Variants in CCDC91 observed in about 807,000 individuals in gnomAD.
The protein encoded by CCDC91 is coiled-coil domain-containing protein 91.
Under a neutral mutation model 63.2 loss-of-function variants are expected in CCDC91, and 48 were observed. That is an observed-to-expected ratio of 0.76 (90% CI 0.60 to 0.97). The LOEUF (loss-of-function observed/expected upper bound fraction) is 0.97. Ranked by LOEUF, CCDC91 falls within the 50% of genes least tolerant of loss-of-function variation. The probability of loss-of-function intolerance (pLI) is 0.00; values close to 1 mark genes in which losing one functional copy is unlikely to be tolerated. For missense variants in CCDC91, 500 were observed against 494.6 expected, an observed-to-expected ratio of 1.01 and a Z score of -0.10; for synonymous variants, 167 against 165.8, an observed-to-expected ratio of 1.01 and a Z score of -0.06.
chr12:28,214,083 A>G (rs1434157600), intron 1 of CCDC91, among the ~76,000 whole-genome samples: 8 of 152,100 alleles, frequency 5.3e-5, no homozygotes, highest in Non-Finnish European at 1.2e-4. Flanking sequence ...GTTCCTGTGA[A>G]CTTATGCTTT....
intron 8 of CCDC91, among the ~76,000 whole-genome samples, chr12:28,397,397 C>G (rs1427391138): frequency 6.6e-6 from 1 of 152,092 alleles, no homozygotes; most frequent in Non-Finnish European, 1.5e-5. Context: ...GTAGAGGGAC[C>G]TATGAAGTGG....
intron 3 of CCDC91, among the ~76,000 whole-genome samples, chr12:28,295,519 T>A (rs534223846): frequency 6.6e-6 from 1 of 152,188 alleles, no homozygotes; most frequent in South Asian, 2.1e-4. Context: ...GTACTTTAGA[T>A]AATAATTTAT....
At chr12:28,441,755 T>C (rs1211201303) in intron 8 of CCDC91, among the ~76,000 whole-genome samples, 1 of 150,546 alleles carries the variant, frequency 6.6e-6, no homozygotes, top group Non-Finnish European at 1.5e-5. Context: ...ATCTCATATA[T>C]ATATGTATAT....
intron 6 of CCDC91, among the ~76,000 whole-genome samples, chr12:28,313,368 A>C (rs1189564416): frequency 1.3e-5 from 2 of 152,040 alleles, no homozygotes; most frequent in Non-Finnish European, 2.9e-5. Context: ...AATATAGAAA[A>C]AGGAAAACAA....
chr12:28,257,914 T>A (rs777844343), intron 2 of CCDC91, among the ~76,000 whole-genome samples: 1 of 150,134 alleles, frequency 6.7e-6, no homozygotes, highest in Non-Finnish European at 1.5e-5. Flanking sequence ...GGAACTACCA[T>A]CAAGGGAATG....
intron 11 of CCDC91, among the ~76,000 whole-genome samples, chr12:28,470,763 A>AT (rs1342184134): frequency 6.6e-6 from 1 of 152,154 alleles, no homozygotes; most frequent in East Asian, 1.9e-4. Flanking sequence ...ATAGAAATGA[A>AT]TTATGTCATC....
rs565727531 is a variant in CCDC91, at chr12:28,390,632, T to G, written c.655-672T>G. On this transcript the variant is annotated intron_variant, in intron 7 of 12. Transcript: ENST00000536442. ...ATCTTTATATTTATCTGACTTGAGT[T>G]CCAGCATTTACAGTATCCAATTAAG... Among the ~76,000 whole-genome samples the G allele has an allele frequency of 1.1e-3, 171 of 152,292 alleles. 2 individuals are homozygous for G. The highest frequency in any genetic ancestry group is 3.5e-3 in the African/African-American group (145 of 41,572).
intron 3 of CCDC91, among the ~76,000 whole-genome samples, chr12:28,274,737 T>G (rs981638055): frequency 6.6e-5 from 10 of 152,140 alleles, no homozygotes; most frequent in African/African-American, 1.4e-4. Context: ...TAAGGAGATT[T>G]TGGGCTGAGA....
At chr12:28,254,907 G>A (rs892660476) in intron 1 of CCDC91, among the ~76,000 whole-genome samples, 1 of 151,878 alleles carries the variant, frequency 6.6e-6, no homozygotes, top group Non-Finnish European at 1.5e-5. Flanking sequence ...AAGTAGCTGG[G>A]ATTACAGTCG....
intron 12 of CCDC91, among the ~76,000 whole-genome samples, chr12:28,528,765 A>G (rs1384033901): frequency 2.6e-5 from 4 of 152,094 alleles, no homozygotes; most frequent in African/African-American, 9.7e-5. Context: ...TTTTAGAGAC[A>G]GTGTCTTGCC....
chr12:28,509,209 A>C (rs75351141), intron 12 of CCDC91, among the ~76,000 whole-genome samples: 9,354 of 151,942 alleles, frequency 0.062, 388 homozygotes, highest in Non-Finnish European at 0.086. Context: ...CCATTATGCA[A>C]ACACAGGTTC....
chr12:28,302,418 C>T (rs2137012710), intron 3 of CCDC91, among the ~76,000 whole-genome samples: 1 of 152,140 alleles, frequency 6.6e-6, no homozygotes, highest in African/African-American at 2.4e-5. Flanking sequence ...CTCATTTAAG[C>T]TGTATAACAT....
At chr12:28,523,960 A>G (rs181357179) in intron 12 of CCDC91, among the ~76,000 whole-genome samples, 47 of 152,052 alleles carry the variant, frequency 3.1e-4, no homozygotes, top group Admixed American at 2.6e-3. Context: ...AACGCCACAA[A>G]GATACTCCTC....
intron 12 of CCDC91, among the ~76,000 whole-genome samples, chr12:28,519,800 A>G (rs1940400632): frequency 7.3e-6 from 1 of 137,744 alleles, no homozygotes; most frequent in Admixed American, 8.3e-5. Context: ...AATCCCACCT[A>G]TGAGTGAGAA....
chr12:28,256,184 C>G (rs1338313534), intron 1 of CCDC91: 4 of 152,042 alleles, frequency 2.6e-5, no homozygotes, highest in African/African-American at 9.7e-5. Flanking sequence ...AAACTCCTGT[C>G]ATGGGGGTTT....
chr12:28,500,774 C>T (rs1247304754), intron 12 of CCDC91, among the ~76,000 whole-genome samples: 1 of 151,542 alleles, frequency 6.6e-6, no homozygotes, highest in African/African-American at 2.4e-5. Context: ...AGATGTATTC[C>T]ATAGATATTT....
chr12:28,290,236 G>A (rs541092058), intron 3 of CCDC91, among the ~76,000 whole-genome samples: 1 of 152,062 alleles, frequency 6.6e-6, no homozygotes, highest in South Asian at 2.1e-4. Context: ...ATTGAATTGA[G>A]CCCTTTGCTA....
chr12:28,419,187 A>G (rs1947857888), intron 8 of CCDC91, among the ~76,000 whole-genome samples: 1 of 152,174 alleles, frequency 6.6e-6, no homozygotes, highest in Non-Finnish European at 1.5e-5. Context: ...AAACTCTAGT[A>G]CTAGGCCATT....
intron 8 of CCDC91, among the ~76,000 whole-genome samples, chr12:28,431,064 T>G (rs1948600043): frequency 6.6e-6 from 1 of 152,182 alleles, no homozygotes. Flanking sequence ...TCTTCATTGT[T>G]GAGTCTTAAT....
Sources: allele counts gnomAD v4.1 joint callset (sites outside exome capture counted in the v4.1 genomes callset), GRCh38; gene constraint gnomAD v4.1.1; transcripts MANE v1.5; gene names NCBI Gene and HGNC (gene_info 2026-07-23, HGNC 2026-07-21).